PLEKHA6: variants seen among roughly 807,000 people sequenced by gnomAD.
PLEKHA6 encodes the protein pleckstrin homology domain-containing family A member 6.
In PLEKHA6, 60 loss-of-function variants were observed where a neutral mutation model predicts 116.7. The ratio of observed to expected loss-of-function variants is 0.51; its 90% CI spans 0.42 to 0.64. PLEKHA6 has a LOEUF of 0.64. PLEKHA6 is among the 30% of genes least tolerant of loss of function. PLEKHA6 has a pLI of 0.00. For synonymous variants in PLEKHA6, 489 were observed against 556.1 expected (o/e 0.88, Z 1.70); for missense variants, 1,338 against 1,422.7 (o/e 0.94, Z 0.96).
In PLEKHA6 at chr1:204,223,441, A is replaced by C. The variant is rs768088631; in HGVS notation, c.*8+21T>G. 73 of 1,324,916 alleles carry C rather than the reference A, an allele frequency of 5.5e-5. No homozygotes were observed. The highest frequency in any genetic ancestry group is 6.3e-5 in the Non-Finnish European group (59 of 939,802). 82.1% of individuals were successfully genotyped at this position (1,324,916 alleles called of 1,614,324 possible). ...GGGCCCCACTCCCGAGGTGGATGAAATACAGTAGAAAAGTGCTTACGTCAG... is the reference window on the plus strand; with the variant it reads ...GGGCCCCACTCCCGAGGTGGATGAACTACAGTAGAAAAGTGCTTACGTCAG... On this transcript the variant is annotated intron_variant, in intron 22 of 22. Coordinates refer to ENST00000272203, the MANE Select transcript of PLEKHA6 (RefSeq NM_014935.5). The surrounding 1 kb of genome is among the most constrained non-coding windows in gnomAD (Gnocchi z 4.8).
Position 204,221,183 on chromosome 1 carries a change from A to T in PLEKHA6, c.*1605T>A, listed in dbSNP as rs1055350299. ...CATGAGAATATCCTAAGCACCTACAACAGTGCCTGGTACATAAAAGGTGCT... is the reference window on the plus strand; with the variant it reads ...CATGAGAATATCCTAAGCACCTACATCAGTGCCTGGTACATAAAAGGTGCT... On this transcript the variant is annotated 3_prime_UTR_variant, in exon 23 of 23. Coordinates refer to ENST00000272203, the MANE Select transcript of PLEKHA6 (RefSeq NM_014935.5). 6.6e-6 allele frequency: 1 copy of T among 152,666 alleles called. No homozygotes were observed. The highest frequency in any genetic ancestry group is 2.4e-5 in the African/African-American group (1 of 41,448). The allele number at this position is 152,666 out of a possible 1,614,324, so 9.5% of individuals were successfully genotyped here.
At chr1:204,229,832 G>T (rs1660911261) in intron 18 of PLEKHA6, among the ~76,000 whole-genome samples, 1 of 152,212 alleles carries the variant, frequency 6.6e-6, no homozygotes, top group African/African-American at 2.4e-5. Context: ...TTAATGGAAA[G>T]AAAATTTAAG....
At chr1:204,252,891 C>G (rs528716772) in intron 9 of PLEKHA6, among the ~76,000 whole-genome samples, 1 of 152,356 alleles carries the variant, frequency 6.6e-6, no homozygotes, top group South Asian at 2.1e-4. Flanking sequence ...GTAGGTATCT[C>G]ATTCCTTCCC....
At chr1:204,269,709 C>T (rs1473567490) in intron 3 of PLEKHA6, among the ~76,000 whole-genome samples, 1 of 152,180 alleles carries the variant, frequency 6.6e-6, no homozygotes, top group Non-Finnish European at 1.5e-5. Context: ...GCCTCTTCCC[C>T]TCCAATGTCA....
At chr1:204,273,433 G>T (rs1667680863) in intron 3 of PLEKHA6, among the ~76,000 whole-genome samples, 193 bp downstream of exon 3, 1 of 152,174 alleles carries the variant, frequency 6.6e-6, no homozygotes, top group Non-Finnish European at 1.5e-5. Context: ...CTAGATGTTG[G>T]TCTTCTACGA....
intron 1 of PLEKHA6, among the ~76,000 whole-genome samples, chr1:204,285,263 T>C (rs1669029538): frequency 6.6e-6 from 1 of 152,230 alleles, no homozygotes; most frequent in African/African-American, 2.4e-5. Context: ...TTCCACCAGC[T>C]GATGAGCTCA....
intron 1 of PLEKHA6, chr1:204,308,915 T>A (rs199552937): frequency 6.3e-6 from 1 of 159,996 alleles, no homozygotes; most frequent in Non-Finnish European, 1.3e-5. Context: ...GGTCTCGATC[T>A]CCTGACCTCA....
intron 9 of PLEKHA6, among the ~76,000 whole-genome samples, chr1:204,254,823 C>T (rs148347846): frequency 6.6e-6 from 1 of 152,144 alleles, no homozygotes; most frequent in South Asian, 2.1e-4. Context: ...TTGTGTACTT[C>T]TAGGTCGTGG....
intron 1 of PLEKHA6, among the ~76,000 whole-genome samples, chr1:204,284,220 A>G (rs1370317213): frequency 1.3e-5 from 2 of 152,148 alleles, no homozygotes; most frequent in Non-Finnish European, 2.9e-5. Flanking sequence ...AGAGCTGGAG[A>G]GCAGGAGCCT....
intron 1 of PLEKHA6, among the ~76,000 whole-genome samples, chr1:204,322,029 G>A (rs1304084767): frequency 6.6e-6 from 1 of 152,272 alleles, no homozygotes; most frequent in Non-Finnish European, 1.5e-5. Flanking sequence ...CACTTGTGGA[G>A]CAGTTTACCA....
upstream of PLEKHA6, among the ~76,000 whole-genome samples, chr1:204,363,062 C>A (rs1361684250): frequency 6.6e-6 from 1 of 152,248 alleles, no homozygotes; most frequent in East Asian, 1.9e-4. Flanking sequence ...GGTCACTGTA[C>A]CAGAACTGCT....
intron 21 of PLEKHA6, among the ~76,000 whole-genome samples, chr1:204,226,344 G>A (rs1020645450): frequency 9.2e-5 from 14 of 152,208 alleles, no homozygotes; most frequent in African/African-American, 2.9e-4. Context: ...GACGGAAATC[G>A]GATAGGCCGG....
chr1:204,374,495 A>C (rs1673831676), intron 1 of PLEKHA6, among the ~76,000 whole-genome samples: 1 of 151,970 alleles, frequency 6.6e-6, no homozygotes, highest in Non-Finnish European at 1.5e-5. Flanking sequence ...TCACCACCAA[A>C]ACTTACCCAG....
intron 1 of PLEKHA6, among the ~76,000 whole-genome samples, chr1:204,284,268 ACAG>A (rs1198084671): frequency 6.6e-6 from 1 of 152,154 alleles, no homozygotes; most frequent in East Asian, 1.9e-4. Flanking sequence ...TTGAGGGGCA[ACAG>A]CAGGCTCTAA....
At chr1:204,251,459 TG>T in intron 9 of PLEKHA6, 1 of 681,552 alleles carries the variant, frequency 1.5e-6, no homozygotes. Context: ...TCATCCTAGA[TG>T]GGCAACTCGA....
chr1:204,302,085 C>G (rs1670879424), intron 1 of PLEKHA6, among the ~76,000 whole-genome samples: 2 of 152,188 alleles, frequency 1.3e-5, no homozygotes. Flanking sequence ...ATAACATCTA[C>G]ATGAAATTCT....
intron 1 of PLEKHA6, among the ~76,000 whole-genome samples, chr1:204,303,262 A>C (rs1670991688): frequency 6.6e-6 from 1 of 152,088 alleles, no homozygotes; most frequent in South Asian, 2.1e-4. Context: ...TGCCCTGAGA[A>C]AGCTCGAGAA....
Position 204,273,679 on chromosome 1 carries a change from T to C in PLEKHA6, c.49A>G (p.Ile17Val), listed in dbSNP as rs758598056. The C allele has an allele frequency of 6.8e-6, 11 of 1,614,042 alleles. No individual in the cohort carries two copies. In the South Asian group the frequency reaches 8.8e-5, roughly 13 times the overall value. ...TCGGACACCATGTTGTGGTTGGGTA[T>C]GTCACTGTTGGTGGTAGCCGGGCGT... Reference protein sequence around the residue: ...GKRPATTNSDIPNHNMVSEVP... With the variant: ...GKRPATTNSDVPNHNMVSEVP... The change falls in exon 3 of 23, where the codon ATA becomes GTA. Residue 17 changes from isoleucine to valine, a missense_variant. Physicochemically the swap from Ile to Val is conservative, Grantham distance 29. Coordinates refer to ENST00000272203, the MANE Select transcript of PLEKHA6 (RefSeq NM_014935.5).
At chr1:204,301,390 C>A (rs1375104705) in intron 1 of PLEKHA6, 27 of 982,968 alleles carry the variant, frequency 2.7e-5, no homozygotes, top group Non-Finnish European at 3.1e-5. Context: ...GCTCATCAGC[C>A]TACAGCAATC....
Sources: gnomAD v4.1 joint callset for allele counts (sites outside exome capture counted in the v4.1 genomes callset) on GRCh38, gnomAD v4.1.1 for gene constraint, Gnocchi (gnomAD v3.1) non-coding constraint, MANE v1.5 for transcripts, NCBI Gene and HGNC (gene_info 2026-07-23, HGNC 2026-07-21) for gene names.